DOK6: variants seen among roughly 807,000 people sequenced by gnomAD.
The protein encoded by DOK6 is docking protein 6.
A neutral mutation model predicts 44.0 loss-of-function variants in DOK6; 22 were observed. The observed-to-expected ratio is 0.50, with a 90% CI of 0.36 to 0.71. DOK6 has a LOEUF of 0.71. DOK6 is among the 30% of genes least tolerant of loss of function. The pLI is 0.00. For missense variants in DOK6, 340 were observed against 416.4 expected (o/e 0.82, Z 1.60); for synonymous variants, 166 against 145.5 (o/e 1.14, Z -1.01).
chr18:69,684,778 T>C (rs1272925253), intron 4 of DOK6, among the ~76,000 whole-genome samples: 1 of 152,132 alleles, frequency 6.6e-6, no homozygotes, highest in Non-Finnish European at 1.5e-5. Context: ...GCAGACAATG[T>C]TATTGGAAGC....
Position 69,401,280 on chromosome 18 carries a change from C to T in DOK6, c.36C>T (p.Gly12=), listed in dbSNP as rs1736533933. Reference sequence around the variant, plus strand: ...ACTTTAACGACATAGTCAAGCAGGGCTACGTGAAAATCCGCAGCAGGAAGC... The same window carrying T: ...ACTTTAACGACATAGTCAAGCAGGGTTACGTGAAAATCCGCAGCAGGAAGC... ...ASNFNDIVKQ[G]YVKIRSRKLG... The change falls in exon 1 of 8, where the codon GGC becomes GGT. Residue 12 remains glycine, a synonymous_variant. Coordinates refer to ENST00000382713, the MANE Select transcript of DOK6 (RefSeq NM_152721.6). 6.3e-7 allele frequency: 1 copy of T among 1,584,816 alleles called. No individual in the cohort carries two copies. The highest frequency in any genetic ancestry group is 8.6e-7 in the Non-Finnish European group (1 of 1,166,186).
rs180989320 is a variant in DOK6, at chr18:69,824,306, T to C, written c.857-16938T>C. Among the ~76,000 whole-genome samples, 497 of 151,052 alleles carry C rather than the reference T, an allele frequency of 3.3e-3. 5 individuals carry two copies. Among genetic ancestry groups the C allele is most frequent in the Admixed American group, 6.9e-3 (104 of 15,152 alleles). ...TGAGAACATGCGGTGTTTGGTTTTT[T>C]GTCCTTGCGATAGTTTGCTAAGAAT... On this transcript the variant is annotated intron_variant, in intron 7 of 7. Transcript: ENST00000382713.
intron 7 of DOK6, among the ~76,000 whole-genome samples, chr18:69,821,782 G>C (rs1391318492): frequency 1.4e-5 from 1 of 70,720 alleles, no homozygotes; most frequent in Non-Finnish European, 2.8e-5. Flanking sequence ...TTGATAGCAT[G>C]CTATTGTTTT....
At chr18:69,593,522 T>TA (rs1983669702) in intron 2 of DOK6, among the ~76,000 whole-genome samples, 1 of 152,236 alleles carries the variant, frequency 6.6e-6, no homozygotes, top group Non-Finnish European at 1.5e-5. Flanking sequence ...TGCATTATTC[T>TA]AAAAACTACT....
At chr18:69,805,727 T>A (rs1029628834) in intron 7 of DOK6, among the ~76,000 whole-genome samples, 2 of 152,130 alleles carry the variant, frequency 1.3e-5, no homozygotes, top group Non-Finnish European at 2.9e-5. Context: ...AGCATATATA[T>A]GATAATGTTT....
chr18:69,425,517 A>G (rs1366372245), intron 1 of DOK6, among the ~76,000 whole-genome samples: 1 of 151,980 alleles, frequency 6.6e-6, no homozygotes, highest in Non-Finnish European at 1.5e-5. Context: ...ACAATGATAT[A>G]TGTCCTTTTT....
intron 1 of DOK6, among the ~76,000 whole-genome samples, chr18:69,441,239 A>C (rs2122441766): frequency 6.6e-6 from 1 of 152,256 alleles, no homozygotes; most frequent in East Asian, 1.9e-4. Flanking sequence ...TGTAACGTCA[A>C]AAATAGTATA....
chr18:69,613,134 G>A (rs557669873), intron 3 of DOK6, among the ~76,000 whole-genome samples: 12 of 152,318 alleles, frequency 7.9e-5, no homozygotes, highest in Middle Eastern at 3.4e-3. Context: ...GCCTCTCAAA[G>A]TGCTGGGATT....
chr18:69,836,120 A>G (rs1224002251), intron 7 of DOK6, among the ~76,000 whole-genome samples: 2 of 152,182 alleles, frequency 1.3e-5, no homozygotes, highest in Non-Finnish European at 2.9e-5. Flanking sequence ...TTTTTCTTCC[A>G]TTCATAATGT....
chr18:69,643,256 T>A lies in DOK6; in HGVS notation c.290-34478T>A, dbSNP rs553414102. On this transcript the variant is annotated intron_variant, in intron 3 of 7. Coordinates refer to ENST00000382713, the MANE Select transcript of DOK6 (RefSeq NM_152721.6). ...GGGTATTGACATTGATGCAATCCAC[T>A]GATCTGATTCAGATTTTCCTAGTTT... Among the ~76,000 whole-genome samples the A allele has an allele frequency of 2.0e-5, 3 of 152,374 alleles. No homozygotes were observed. The South Asian group carries it at 6.2e-4, about 32-fold the overall frequency.
chr18:69,527,526 C>T (rs905886189), intron 1 of DOK6, among the ~76,000 whole-genome samples: 5 of 152,208 alleles, frequency 3.3e-5, no homozygotes, highest in Non-Finnish European at 1.5e-5. Flanking sequence ...ATTCAACCAC[C>T]TCCCACTGGG....
At chr18:69,641,143 A>G (rs956566823) in intron 3 of DOK6, among the ~76,000 whole-genome samples, 1 of 151,946 alleles carries the variant, frequency 6.6e-6, no homozygotes, top group African/African-American at 2.4e-5. Flanking sequence ...TGAACCTGGG[A>G]GGCGGATGTT....
intron 6 of DOK6, among the ~76,000 whole-genome samples, chr18:69,751,055 A>G (rs1378147385): frequency 1.3e-5 from 2 of 152,230 alleles, no homozygotes; most frequent in East Asian, 3.8e-4. Context: ...ATCTAAATCA[A>G]TCAACTCATA....
chr18:69,401,910 C>G (rs977049244), intron 1 of DOK6, among the ~76,000 whole-genome samples: 1 of 152,180 alleles, frequency 6.6e-6, no homozygotes, highest in South Asian at 2.1e-4. Context: ...CCCGCGCCCG[C>G]CCGCGGTCAC....
At chr18:69,417,079 A>G (rs1234503755) in intron 1 of DOK6, among the ~76,000 whole-genome samples, 1 of 152,160 alleles carries the variant, frequency 6.6e-6, no homozygotes, top group African/African-American at 2.4e-5. Flanking sequence ...TTGTGTTGAG[A>G]ACATTCAACT....
intron 3 of DOK6, among the ~76,000 whole-genome samples, chr18:69,642,627 C>A (rs73461917): frequency 0.02 from 3,046 of 152,022 alleles, 100 homozygotes; most frequent in African/African-American, 0.07. Flanking sequence ...TATTGACATT[C>A]TGGAAGAGTT....
At chr18:69,715,763 T>C (rs568382890) in intron 5 of DOK6, among the ~76,000 whole-genome samples, 6 of 152,226 alleles carry the variant, frequency 3.9e-5, no homozygotes, top group Non-Finnish European at 7.3e-5. Flanking sequence ...ATTGGTCTTG[T>C]TGGCGTTGAA....
chr18:69,733,841 G>T (rs12455884), intron 5 of DOK6, among the ~76,000 whole-genome samples: 106,571 of 152,000 alleles, frequency 0.7, 39,409 homozygotes, highest in East Asian at 0.85. Flanking sequence ...TACTGAAAAG[G>T]AGTAGTCTTC....
At chr18:69,777,812 A>T (rs1236144154) in intron 7 of DOK6, 2 of 152,028 alleles carry the variant, frequency 1.3e-5, no homozygotes, top group East Asian at 3.9e-4. Context: ...TGATAAAAAA[A>T]ATTTTTAAAG....
Sources: allele counts gnomAD v4.1 joint callset (sites outside exome capture counted in the v4.1 genomes callset), GRCh38; gene constraint gnomAD v4.1.1; transcripts MANE v1.5; gene names NCBI Gene and HGNC (gene_info 2026-07-23, HGNC 2026-07-21).